HEMK2: variants seen among roughly 807,000 people sequenced by gnomAD.
The protein encoded by HEMK2 is HemK methyltransferase 2, ETF1 glutamine and histone H4 lysine.
the HEMK2 span, among the ~76,000 whole-genome samples, chr21:28,623,335 C>T: frequency 3.3e-5 from 5 of 152,188 alleles, no homozygotes; most frequent in Non-Finnish European, 7.4e-5. Flanking sequence ...GAGGAAACAA[C>T]AGATGCTGGA....
the HEMK2 span, among the ~76,000 whole-genome samples, chr21:28,833,397 A>C: frequency 5.3e-5 from 8 of 152,336 alleles, no homozygotes; most frequent in East Asian, 1.2e-3. Context: ...GTGCCCTAAT[A>C]ATTTTACAGC....
chr21:28,753,882 T>C, the HEMK2 span, among the ~76,000 whole-genome samples: 1 of 152,218 alleles, frequency 6.6e-6, no homozygotes, highest in Admixed American at 6.5e-5. Flanking sequence ...CTCCTCCATC[T>C]AAAAAGGCAG....
the HEMK2 span, among the ~76,000 whole-genome samples, chr21:28,691,178 T>C: frequency 6.6e-6 from 1 of 152,200 alleles, no homozygotes; most frequent in Non-Finnish European, 1.5e-5. Context: ...CATTCATTCA[T>C]TGGAATACTC....
At chr21:28,610,124 G>A in the HEMK2 span, among the ~76,000 whole-genome samples, 14 of 152,204 alleles carry the variant, frequency 9.2e-5, no homozygotes, top group Admixed American at 3.3e-4. Flanking sequence ...TTATAGTCAC[G>A]ACAAAGGAAA....
At chr21:28,676,535 T>C in the HEMK2 span, among the ~76,000 whole-genome samples, 2 of 151,382 alleles carry the variant, frequency 1.3e-5, no homozygotes, top group Admixed American at 6.6e-5. Flanking sequence ...ATCCTGAAAA[T>C]ACAGAGACAG....
chr21:28,663,191 C>T, the HEMK2 span, among the ~76,000 whole-genome samples: 1 of 152,144 alleles, frequency 6.6e-6, no homozygotes, highest in Non-Finnish European at 1.5e-5. Context: ...TAATTTCCTA[C>T]TAAAAGAGAA....
the HEMK2 span, among the ~76,000 whole-genome samples, chr21:28,687,876 T>C: frequency 6.6e-6 from 1 of 152,218 alleles, no homozygotes; most frequent in African/African-American, 2.4e-5. Flanking sequence ...TGTGCATTTA[T>C]TGTAAGTTCT....
chr21:28,841,296 T>TATATATAA, the HEMK2 span, among the ~76,000 whole-genome samples: 55 of 11,904 alleles, frequency 4.6e-3, 3 homozygotes, highest in African/African-American at 0.041. Context: ...ATATATATTA[T>TATATATAA]ATATTATATA....
chr21:28,626,953 T>G, the HEMK2 span, among the ~76,000 whole-genome samples: 1 of 152,186 alleles, frequency 6.6e-6, no homozygotes, highest in Non-Finnish European at 1.5e-5. Context: ...TACAGCAGTT[T>G]TATTCATAAG....
the HEMK2 span, among the ~76,000 whole-genome samples, chr21:28,784,403 A>G: frequency 6.6e-6 from 1 of 151,434 alleles, no homozygotes; most frequent in Non-Finnish European, 1.5e-5. Context: ...AAGTGCACCA[A>G]TCAGTGCTCT....
the HEMK2 span, among the ~76,000 whole-genome samples, chr21:28,858,106 A>G: frequency 1.3e-5 from 2 of 152,276 alleles, no homozygotes; most frequent in African/African-American, 4.8e-5. Flanking sequence ...TTTTATTTGA[A>G]TATGTCTCTT....
the HEMK2 span, among the ~76,000 whole-genome samples, chr21:28,879,709 T>C: frequency 6.6e-6 from 1 of 152,232 alleles, no homozygotes; most frequent in Non-Finnish European, 1.5e-5. Flanking sequence ...TAAGGTTCCT[T>C]TCCTAGGTCT....
At chr21:28,856,061 T>C in the HEMK2 span, among the ~76,000 whole-genome samples, 2 of 147,708 alleles carry the variant, frequency 1.4e-5, no homozygotes. Flanking sequence ...TTATTCTCTA[T>C]ATTCCTTTGT....
At chr21:28,747,028 C>T in the HEMK2 span, among the ~76,000 whole-genome samples, 2 of 152,192 alleles carry the variant, frequency 1.3e-5, no homozygotes, top group Non-Finnish European at 2.9e-5. Context: ...TGAGAAATCA[C>T]GTGCAATATA....
the HEMK2 span, among the ~76,000 whole-genome samples, chr21:28,863,979 C>A: frequency 6.6e-6 from 1 of 152,114 alleles, no homozygotes; most frequent in Non-Finnish European, 1.5e-5. Context: ...AGGTGTGTAC[C>A]ACCACGCCTG....
the HEMK2 span, among the ~76,000 whole-genome samples, chr21:28,658,902 G>A: frequency 5.3e-5 from 8 of 151,958 alleles, no homozygotes; most frequent in Admixed American, 2.6e-4. Flanking sequence ...GTCTGATCTC[G>A]ATTCTGCCCT....
chr21:28,808,116 A>G, the HEMK2 span, among the ~76,000 whole-genome samples: 296 of 152,280 alleles, frequency 1.9e-3, 2 homozygotes, highest in African/African-American at 6.6e-3. Context: ...ATGACAGCAG[A>G]GAAGTCATGG....
the HEMK2 span, among the ~76,000 whole-genome samples, chr21:28,868,971 C>T: frequency 1.3e-5 from 2 of 151,522 alleles, no homozygotes; most frequent in Non-Finnish European, 2.9e-5. Context: ...ATCCTTTTCC[C>T]TTTCATTTTT....
the HEMK2 span, among the ~76,000 whole-genome samples, chr21:28,831,663 GAAAGAAAGAAAGAAA>G: frequency 2.0e-5 from 1 of 50,934 alleles, no homozygotes; most frequent in South Asian, 7.6e-4. Context: ...AAGAAAGAAA[GAAAGAAAGAAAGAAA>G]GAAAGAAGGA....
Sources: allele counts gnomAD v4.1 joint callset (sites outside exome capture counted in the v4.1 genomes callset), GRCh38; gene constraint gnomAD v4.1.1; transcripts MANE v1.5; gene names NCBI Gene and HGNC (gene_info 2026-07-23, HGNC 2026-07-21).